The following CHST9 variants were observed in gnomAD, a reference collection of about 807,000 sequenced individuals.
The protein encoded by CHST9 is GalNAc-4-sulfotransferase 2.
In CHST9, 41 loss-of-function variants were observed where a neutral mutation model predicts 44.4. That is an observed-to-expected ratio of 0.92 (90% CI 0.72 to 1.20). The LOEUF is 1.20. CHST9 is among the 50% of genes most tolerant of loss of function. The pLI, the probability that CHST9 is intolerant of heterozygous loss-of-function variation, is 0.00. For missense variants in CHST9, 504 were observed against 516.5 expected, an observed-to-expected ratio of 0.98 and a Z score of 0.23; for synonymous variants, 171 against 178.4, an observed-to-expected ratio of 0.96 and a Z score of 0.33.
chr18:26,984,854 G>A (rs1598615926), intron 4 of CHST9, among the ~76,000 whole-genome samples: 1 of 152,086 alleles, frequency 6.6e-6, no homozygotes, highest in Non-Finnish European at 1.5e-5. Context: ...AATGCCAAGT[G>A]TTAGTGAGGG....
chr18:27,123,837 A>G (rs529219278), intron 2 of CHST9, among the ~76,000 whole-genome samples: 1 of 152,296 alleles, frequency 6.6e-6, no homozygotes, highest in African/African-American at 2.4e-5. Context: ...TCCATCTTAT[A>G]CTGGGCCAAG....
chr18:27,107,998 C>A (rs2058236802), intron 2 of CHST9, among the ~76,000 whole-genome samples: 1 of 152,146 alleles, frequency 6.6e-6, no homozygotes, highest in Non-Finnish European at 1.5e-5. Flanking sequence ...TCTACTTGTC[C>A]AGTTTCTCAG....
chr18:26,927,765 T>G (rs1382100372), intron 5 of CHST9, among the ~76,000 whole-genome samples: 1 of 150,414 alleles, frequency 6.6e-6, no homozygotes, highest in Non-Finnish European at 1.5e-5. Context: ...CTTCCTCTTA[T>G]CTCAACTGCA....
chr18:27,027,229 AT>A (rs1287448770), intron 3 of CHST9, among the ~76,000 whole-genome samples: 2 of 152,228 alleles, frequency 1.3e-5, no homozygotes. Flanking sequence ...GAATACAAGG[AT>A]AGGAAAAGGT....
intron 4 of CHST9, among the ~76,000 whole-genome samples, chr18:27,007,771 A>C (rs922290333): frequency 2.0e-5 from 3 of 152,186 alleles, no homozygotes; most frequent in African/African-American, 7.2e-5. Flanking sequence ...CGCAAGTGCA[A>C]ATCAGTGGAG....
chr18:27,057,601 G>C (rs2057672249), intron 2 of CHST9, among the ~76,000 whole-genome samples: 1 of 152,220 alleles, frequency 6.6e-6, no homozygotes, highest in Non-Finnish European at 1.5e-5. Flanking sequence ...GAGCCATTAT[G>C]AGCACAGCGA....
intron 5 of CHST9, among the ~76,000 whole-genome samples, chr18:26,938,031 G>A (rs187363933): frequency 6.6e-6 from 1 of 151,960 alleles, no homozygotes; most frequent in East Asian, 1.9e-4. Flanking sequence ...GCTTGAATGA[G>A]AGCTGTCTGT....
intron 4 of CHST9, among the ~76,000 whole-genome samples, chr18:26,961,721 C>A (rs2056402981): frequency 6.6e-6 from 1 of 152,232 alleles, no homozygotes. Context: ...AGCCACTGGG[C>A]CTGACCTGCT....
At chr18:27,125,474 C>A (rs1265665363) in intron 2 of CHST9, among the ~76,000 whole-genome samples, 1 of 152,168 alleles carries the variant, frequency 6.6e-6, no homozygotes, top group African/African-American at 2.4e-5. Context: ...ACAGCCCCAG[C>A]ACGGGAAGCT....
chr18:26,935,383 T>G (rs1334170349), intron 5 of CHST9: 2 of 152,184 alleles, frequency 1.3e-5, no homozygotes, highest in Non-Finnish European at 2.9e-5. Flanking sequence ...GTCATCTTAG[T>G]AACAGAACCA....
chr18:26,961,664 T>A (rs2145151420), intron 4 of CHST9, among the ~76,000 whole-genome samples: 1 of 152,326 alleles, frequency 6.6e-6, no homozygotes, highest in Non-Finnish European at 1.5e-5. Context: ...CTGGGCTCAA[T>A]CGATCCTCTT....
Position 27,048,459 on chromosome 18 carries a change from T to C in CHST9, c.160+6A>G. 4 of 1,604,542 alleles carry C rather than the reference T, an allele frequency of 2.5e-6. No homozygotes were observed. The highest frequency in any genetic ancestry group is 3.4e-6 in the Non-Finnish European group (4 of 1,175,752). On this transcript the variant is annotated splice_donor_region_variant and intron_variant, in intron 3 of 5. Transcript: ENST00000618847. ...TAAAGCTGGAGCCCATTGGACAAAA[T>C]CTTACCTGAAGTTACTTTTTGTTCT...
At position 26,975,219 on chromosome 18, in the gene CHST9, T is replaced by G. The variant is rs1199502725; in HGVS notation, c.203-30853A>C. Among the ~76,000 whole-genome samples, 6 of 152,262 alleles carry G rather than the reference T, an allele frequency of 3.9e-5. No individual in the cohort carries two copies. In the South Asian group the frequency reaches 1.2e-3, roughly 32 times the overall value. On this transcript the variant is annotated intron_variant, in intron 4 of 5. Coordinates refer to ENST00000618847, the MANE Select transcript of CHST9 (RefSeq NM_031422.6). ...ATCAATTGCTTCCAGGAGAAGCCAG[T>G]GAGGGTGGGGGGAAGAGACATAGGG...
chr18:27,150,789 C>G (rs2058653159), intron 1 of CHST9, among the ~76,000 whole-genome samples: 7 of 152,114 alleles, frequency 4.6e-5, no homozygotes, highest in Admixed American at 4.6e-4. Context: ...CCTATGTATC[C>G]AACAGCTTTA....
chr18:27,137,300 ATATATGTGTGTG>A (rs1304734451), intron 2 of CHST9, among the ~76,000 whole-genome samples: 3 of 29,512 alleles, frequency 1.0e-4, no homozygotes, highest in African/African-American at 4.6e-4. Context: ...TGATTTATTT[ATATATGTGTGTG>A]TGTGTGTGTG....
intron 3 of CHST9, among the ~76,000 whole-genome samples, chr18:27,027,148 G>T (rs1357004174): frequency 2.0e-5 from 3 of 152,172 alleles, no homozygotes; most frequent in Non-Finnish European, 4.4e-5. Flanking sequence ...TTTTCTCAAA[G>T]AATTCAAAAT....
At chr18:27,184,589 G>A (rs1263469815) in intron 1 of CHST9, among the ~76,000 whole-genome samples, 1 of 151,338 alleles carries the variant, frequency 6.6e-6, no homozygotes, top group East Asian at 2.0e-4. Context: ...CACCTCTCCC[G>A]CAGCCTGCGC....
intron 1 of CHST9, among the ~76,000 whole-genome samples, chr18:27,179,335 C>G (rs574964869): frequency 7.8e-4 from 119 of 152,110 alleles, no homozygotes; most frequent in Non-Finnish European, 1.4e-3. Flanking sequence ...GCAGTGAAGT[C>G]TGTGGTTCTG....
intron 2 of CHST9, among the ~76,000 whole-genome samples, chr18:27,082,393 TTA>T (rs1427848536): frequency 6.6e-6 from 1 of 152,166 alleles, no homozygotes; most frequent in African/African-American, 2.4e-5. Flanking sequence ...AATGTACAGA[TTA>T]TGTTTCTACC....
Sources: allele counts gnomAD v4.1 joint callset (sites outside exome capture counted in the v4.1 genomes callset), GRCh38; gene constraint gnomAD v4.1.1; transcripts MANE v1.5; gene names NCBI Gene and HGNC (gene_info 2026-07-23, HGNC 2026-07-21).